The following ATP13A5 variants were observed in gnomAD, a reference collection of about 807,000 sequenced individuals.
ATP13A5 encodes ATPase 13A5, also known as probable cation-transporting ATPase 13A5.
In ATP13A5, 149 loss-of-function variants were observed where a neutral mutation model predicts 150.2. That is an observed-to-expected ratio of 0.99 (90% CI 0.87 to 1.14). The LOEUF is 1.14. Ranked by LOEUF, ATP13A5 falls within the 50% of genes most tolerant of loss-of-function variation. The pLI is 0.00. For missense variants in ATP13A5, 1,383 were observed against 1,449.3 expected (o/e 0.95, Z 0.74); for synonymous variants, 497 against 522.2 (o/e 0.95, Z 0.66).
chr3:193,318,362 A>T (rs1416464591), intron 17 of ATP13A5, among the ~76,000 whole-genome samples: 1 of 152,222 alleles, frequency 6.6e-6, no homozygotes, highest in African/African-American at 2.4e-5. Context: ...TTTGTCATAG[A>T]TAATTTGAAA....
rs750321224 is a variant in ATP13A5 at position 193,351,130 on chromosome 3, G to T, written c.678C>A (p.Tyr226Ter). The change falls in exon 7 of 30, where the codon TAC becomes TAA. Residue 226 changes from tyrosine to a stop codon, truncating the protein, a stop_gained. Transcript: ENST00000342358. LOFTEE classifies it high-confidence loss of function. ...TLWLSQGYIE[Y>*]SVAIIILTVI... is the part of the protein sequence containing the mutation. ...CAGTCAAAATGATGATGGCCACAGAGTATTCTATGTAACCTTGAGACAGCC... is the reference window on the plus strand; with the variant it reads ...CAGTCAAAATGATGATGGCCACAGATTATTCTATGTAACCTTGAGACAGCC... 1.2e-6 allele frequency: 2 copies of T among 1,613,776 alleles called. No homozygotes were observed. The highest frequency in any genetic ancestry group is 3.3e-5 in the Admixed American group (2 of 60,014).
intron 20 of ATP13A5, 66 bp downstream of exon 20, chr3:193,311,750 T>C: frequency 6.3e-7 from 1 of 1,586,436 alleles, no homozygotes. Flanking sequence ...TTTTCAATAC[T>C]CTCCTCCTCC....
At chr3:193,363,713 G>A (rs1402436343) in intron 2 of ATP13A5, among the ~76,000 whole-genome samples, 1 of 152,152 alleles carries the variant, frequency 6.6e-6, no homozygotes, top group Non-Finnish European at 1.5e-5. Context: ...CTATATTAAA[G>A]TGACATCTAG....
At chr3:193,370,269 C>T (rs371024964) in intron 1 of ATP13A5, among the ~76,000 whole-genome samples, 2 of 152,142 alleles carry the variant, frequency 1.3e-5, no homozygotes, top group Non-Finnish European at 2.9e-5. Flanking sequence ...TGCCATAAAT[C>T]GCAACTTAGA....
chr3:193,353,247 C>G (rs1273085762), intron 6 of ATP13A5, among the ~76,000 whole-genome samples: 1 of 146,366 alleles, frequency 6.8e-6, no homozygotes, highest in African/African-American at 2.5e-5. Flanking sequence ...ACAAAGCCAT[C>G]AAAGAAGCAC....
At chr3:193,372,914 T>C (rs894486933) in intron 1 of ATP13A5, among the ~76,000 whole-genome samples, 2 of 152,222 alleles carry the variant, frequency 1.3e-5, no homozygotes, top group African/African-American at 2.4e-5. Flanking sequence ...CAGTTGAAGA[T>C]TGATAAGCTT....
intron 5 of ATP13A5, among the ~76,000 whole-genome samples, chr3:193,359,893 T>G (rs1353916964): frequency 6.6e-6 from 1 of 152,148 alleles, no homozygotes; most frequent in African/African-American, 2.4e-5. Context: ...CATTTACTCC[T>G]TTTATTTTCT....
chr3:193,323,546 G>A (rs529404818), intron 14 of ATP13A5: 1 of 152,282 alleles, frequency 6.6e-6, no homozygotes, highest in South Asian at 2.1e-4. Context: ...TAATGGAGAG[G>A]GGGATGTAGT....
intron 27 of ATP13A5, among the ~76,000 whole-genome samples, chr3:193,279,864 G>A (rs540156030): frequency 6.7e-6 from 1 of 148,766 alleles, no homozygotes; most frequent in Admixed American, 6.9e-5. Context: ...GTCCCAATCA[G>A]CCTTTCTAAC....
chr3:193,315,393 A>T (rs972327567), intron 17 of ATP13A5, among the ~76,000 whole-genome samples: 1 of 152,268 alleles, frequency 6.6e-6, no homozygotes, highest in South Asian at 2.1e-4. Flanking sequence ...ATGTTAATCA[A>T]ATATACTTTA....
intron 28 of ATP13A5, 114 bp from the exon 29 acceptor site, chr3:193,276,944 C>T: frequency 1.3e-6 from 1 of 772,042 alleles, no homozygotes; most frequent in Non-Finnish European, 2.1e-6. Flanking sequence ...TAGTGGTGGG[C>T]ATTACTTTGT....
In ATP13A5 at chr3:193,274,927, T is replaced by C. The variant is rs145934362; in HGVS notation, c.*115A>G. ...AGGTTTAATTCATTGAAAATATACTTTGAATGCTTGAATGGAGAGAGGAAA... is the reference window on the plus strand; with the variant it reads ...AGGTTTAATTCATTGAAAATATACTCTGAATGCTTGAATGGAGAGAGGAAA... On this transcript the variant is annotated 3_prime_UTR_variant, in exon 30 of 30. Transcript: ENST00000342358. 4 of 1,415,554 alleles carry C rather than the reference T, an allele frequency of 2.8e-6. No homozygotes were observed. The African/African-American group carries it at 4.3e-5, about 15-fold the overall frequency. 87.7% of individuals were successfully genotyped at this position (1,415,554 alleles called of 1,614,324 possible).
At chr3:193,320,727 G>T (rs1029365517) in intron 16 of ATP13A5, among the ~76,000 whole-genome samples, 4 of 152,102 alleles carry the variant, frequency 2.6e-5, no homozygotes, top group Non-Finnish European at 5.9e-5. Flanking sequence ...CAATCATAAG[G>T]AGAGTCTACA....
intron 25 of ATP13A5, among the ~76,000 whole-genome samples, chr3:193,298,634 G>A (rs1435861895): frequency 6.6e-6 from 1 of 152,076 alleles, no homozygotes; most frequent in Admixed American, 6.6e-5. Context: ...CTCCTTGATA[G>A]GAAATACTTT....
At chr3:193,372,511 C>A (rs886187886) in intron 1 of ATP13A5, among the ~76,000 whole-genome samples, 1 of 152,066 alleles carries the variant, frequency 6.6e-6, no homozygotes, top group Admixed American at 6.5e-5. Flanking sequence ...CTTGAAATTT[C>A]TCTCTAAGTA....
intron 29 of ATP13A5, 142 bp downstream of exon 29, chr3:193,276,608 A>G (rs1447630496): frequency 1.6e-6 from 1 of 624,888 alleles, no homozygotes; most frequent in East Asian, 2.8e-5. Context: ...TTTTCCTCCA[A>G]AAGAATATGT....
chr3:193,285,182 A>T (rs369905763), intron 26 of ATP13A5, 66 bp from the exon 27 acceptor site: 30 of 1,342,864 alleles, frequency 2.2e-5, no homozygotes, highest in South Asian at 2.7e-5. Context: ...GTGAAAAAAA[A>T]AATAATTTAA....
chr3:193,347,524 CTTT>C (rs1553820269), intron 7 of ATP13A5, among the ~76,000 whole-genome samples: 1 of 145,442 alleles, frequency 6.9e-6, no homozygotes, highest in African/African-American at 2.6e-5. Flanking sequence ...CCTTAGATTT[CTTT>C]TTTTTTTGCT....
At position 193,351,153 on chromosome 3, in the gene ATP13A5, G is replaced by A; in HGVS notation, c.655C>T (p.Leu219=). Residue 219 remains leucine, a synonymous_variant, in exon 7 of 30, where the codon CTG becomes TTG. Transcript: ENST00000342358. ...VFQAFTLTLW[L]SQGYIEYSVA... ...GAGTATTCTATGTAACCTTGAGACA[G>A]CCACAAAGTTAGGGTGAAGGCTTGG... is the stretch of plus-strand genomic sequence containing the variant. 1.9e-6 allele frequency: 3 copies of A among 1,613,808 alleles called. No homozygotes were observed. The highest frequency in any genetic ancestry group is 2.5e-6 in the Non-Finnish European group (3 of 1,179,768).
Sources: allele counts gnomAD v4.1 joint callset (sites outside exome capture counted in the v4.1 genomes callset), GRCh38; gene constraint gnomAD v4.1.1; transcripts MANE v1.5; gene names NCBI Gene and HGNC (gene_info 2026-07-23, HGNC 2026-07-21).